The following IGFL2 variants were observed in gnomAD, a reference collection of about 807,000 sequenced individuals.
IGFL2 encodes the protein insulin growth factor-like family member 2.
Under a neutral mutation model 13.9 loss-of-function variants are expected in IGFL2, and 7 were observed. That is an observed-to-expected ratio of 0.51 (90% CI 0.29 to 0.95). The LOEUF (loss-of-function observed/expected upper bound fraction) is 0.95, where lower values mean the gene tolerates loss of function less well. Among genes scored for constraint, IGFL2 ranks in the 40% least tolerant of loss-of-function variants. The pLI is 0.08. For missense variants in IGFL2, 138 were observed against 147.8 expected, an observed-to-expected ratio of 0.93 and a Z score of 0.34; for synonymous variants, 55 against 55.8, an observed-to-expected ratio of 0.99 and a Z score of 0.07.
At chr19:46,137,292 T>C in the IGFL2 span, 9 of 1,115,028 alleles carry the variant, frequency 8.1e-6, no homozygotes, top group Non-Finnish European at 1.1e-5. Flanking sequence ...GTACACCACA[T>C]GCAATATTAT....
chr19:46,192,263 C>G, the IGFL2 span, among the ~76,000 whole-genome samples: 1 of 152,138 alleles, frequency 6.6e-6, no homozygotes, highest in East Asian at 1.9e-4. Context: ...GTTTCAGTTT[C>G]CTCATTTGTA....
chr19:46,099,263 T>C, the IGFL2 span, among the ~76,000 whole-genome samples: 1 of 152,224 alleles, frequency 6.6e-6, no homozygotes, highest in African/African-American at 2.4e-5. Flanking sequence ...ATTTTTTCCT[T>C]CATTACATTC....
chr19:46,127,292 T>G, the IGFL2 span, among the ~76,000 whole-genome samples: 1 of 152,008 alleles, frequency 6.6e-6, no homozygotes, highest in Non-Finnish European at 1.5e-5. Flanking sequence ...CGGAAGGCTG[T>G]GGTGAGCTGT....
the IGFL2 span, chr19:46,202,565 GT>G: frequency 6.6e-6 from 1 of 152,240 alleles, no homozygotes; most frequent in Non-Finnish European, 1.5e-5. Context: ...TGCCACCAAG[GT>G]GAAGGATCAA....
At chr19:46,112,685 A>G in the IGFL2 span, among the ~76,000 whole-genome samples, 1 of 152,250 alleles carries the variant, frequency 6.6e-6, no homozygotes, top group Non-Finnish European at 1.5e-5. Flanking sequence ...ATTTTCTAAT[A>G]GCTTAAGCCT....
chr19:46,167,578 C>T, the IGFL2 span, among the ~76,000 whole-genome samples: 3 of 152,146 alleles, frequency 2.0e-5, no homozygotes, highest in Non-Finnish European at 4.4e-5. Flanking sequence ...CCGATATGGA[C>T]GGGGACCAGG....
chr19:46,085,512 T>A, the IGFL2 span, among the ~76,000 whole-genome samples: 1 of 152,226 alleles, frequency 6.6e-6, no homozygotes, highest in Non-Finnish European at 1.5e-5. Flanking sequence ...CCCTTTACTT[T>A]GAGCCATTTA....
At chr19:46,151,944 C>A (rs1038179500) in intron 1 of IGFL2, among the ~76,000 whole-genome samples, 1 of 152,112 alleles carries the variant, frequency 6.6e-6, no homozygotes, top group Non-Finnish European at 1.5e-5. Context: ...TGCATTGATT[C>A]TATAGATCAA....
chr19:46,084,248 A>G, the IGFL2 span, among the ~76,000 whole-genome samples: 1 of 152,210 alleles, frequency 6.6e-6, no homozygotes, highest in Admixed American at 6.5e-5. Flanking sequence ...TGCAGTTGAG[A>G]AGAATGTGTA....
At chr19:46,105,351 T>G in the IGFL2 span, among the ~76,000 whole-genome samples, 1 of 152,158 alleles carries the variant, frequency 6.6e-6, no homozygotes, top group Non-Finnish European at 1.5e-5. Context: ...GGCAGAGCAG[T>G]AGCCTCAATG....
upstream of IGFL2, among the ~76,000 whole-genome samples, chr19:46,140,671 T>G (rs1344933806): frequency 2.0e-5 from 3 of 152,188 alleles, no homozygotes. Flanking sequence ...TACGATTTGT[T>G]GACAGGCAGT....
chr19:46,135,709 T>C, the IGFL2 span, among the ~76,000 whole-genome samples: 1 of 152,168 alleles, frequency 6.6e-6, no homozygotes, highest in Non-Finnish European at 1.5e-5. Flanking sequence ...AAGGGAAGAC[T>C]TTCCTGGACA....
At chr19:46,104,618 T>C in the IGFL2 span, among the ~76,000 whole-genome samples, 1 of 152,124 alleles carries the variant, frequency 6.6e-6, no homozygotes, top group African/African-American at 2.4e-5. Context: ...GTTGCCTGAC[T>C]CAGGGCATGT....
the IGFL2 span, among the ~76,000 whole-genome samples, chr19:46,131,594 C>T: frequency 6.6e-6 from 1 of 152,112 alleles, no homozygotes; most frequent in African/African-American, 2.4e-5. Context: ...TTTAATTTTA[C>T]GTAAACATGC....
At chr19:46,149,326 A>C (rs1016270383) in intron 1 of IGFL2, among the ~76,000 whole-genome samples, 22 of 23,564 alleles carry the variant, frequency 9.3e-4, no homozygotes, top group East Asian at 8.0e-3. Context: ...TCCCCTCCCC[A>C]TCTCCCTGTG....
At chr19:46,211,301 A>G in the IGFL2 span, among the ~76,000 whole-genome samples, 1 of 152,200 alleles carries the variant, frequency 6.6e-6, no homozygotes, top group African/African-American at 2.4e-5. Context: ...ATCCCAACAT[A>G]GTGTTTGGAG....
At chr19:46,100,193 G>A in the IGFL2 span, among the ~76,000 whole-genome samples, 3 of 152,244 alleles carry the variant, frequency 2.0e-5, no homozygotes, top group East Asian at 5.8e-4. Flanking sequence ...GAGGAGGAGA[G>A]GCACTCTGGC....
At chr19:46,154,495 G>T in intron 1 of IGFL2, among the ~76,000 whole-genome samples, 1 of 152,180 alleles carries the variant, frequency 6.6e-6, no homozygotes, top group East Asian at 1.9e-4. Context: ...CCAGGCTGGA[G>T]TGCAGTGGCG....
intron 1 of IGFL2, among the ~76,000 whole-genome samples, chr19:46,148,520 C>A (rs1478397575): frequency 6.6e-6 from 1 of 152,174 alleles, no homozygotes; most frequent in African/African-American, 2.4e-5. Flanking sequence ...CTGCCAAGCC[C>A]AATGCCCAGA....
Sources: gnomAD v4.1 joint callset for allele counts (sites outside exome capture counted in the v4.1 genomes callset) on GRCh38, gnomAD v4.1.1 for gene constraint, MANE v1.5 for transcripts, NCBI Gene and HGNC (gene_info 2026-07-23, HGNC 2026-07-21) for gene names.